FAAH: variants seen among roughly 807,000 people sequenced by gnomAD.
FAAH encodes the protein fatty acid amide hydrolase.
Under a neutral mutation model 69.7 loss-of-function variants are expected in FAAH, and 63 were observed. The ratio of observed to expected loss-of-function variants is 0.90; its 90% CI spans 0.74 to 1.12. FAAH has a LOEUF of 1.12. Among genes scored for constraint, FAAH ranks in the 50% most tolerant of loss-of-function variants. The pLI is 0.00. For synonymous variants in FAAH, 305 were observed against 324.2 expected (o/e 0.94, Z 0.64); for missense variants, 680 against 755.0 (o/e 0.90, Z 1.16).
chr1:46,395,769 C>T (rs1052221945), intron 1 of FAAH, among the ~76,000 whole-genome samples: 7 of 152,170 alleles, frequency 4.6e-5, no homozygotes, highest in African/African-American at 7.2e-5. Flanking sequence ...CCTAGGTGCC[C>T]GCTGCACTCT....
In FAAH at chr1:46,413,058, C is replaced by T; in HGVS notation, c.1466-17C>T. ...AGATTCTCAGGGCCTGCTGCAGCTG[C>T]CTGTAATGTGTTCCAGGGGCCGTCA... On this transcript the variant is annotated splice_polypyrimidine_tract_variant and intron_variant, in intron 13 of 14. Coordinates refer to ENST00000243167, the MANE Select transcript of FAAH (RefSeq NM_001441.3). The T allele has an allele frequency of 1.9e-6, 3 of 1,613,968 alleles. No individual in the cohort carries two copies. Among genetic ancestry groups the T allele is most frequent in the Non-Finnish European group, 1.7e-6 (2 of 1,179,904 alleles).
chr1:46,395,106 A>G (rs1308578184), intron 1 of FAAH, among the ~76,000 whole-genome samples: 1 of 152,104 alleles, frequency 6.6e-6, no homozygotes, highest in Admixed American at 6.5e-5. Context: ...ACGCCTGGCT[A>G]ATTTTTGCAT....
chr1:46,396,810 C>A (rs1195506758), intron 1 of FAAH, among the ~76,000 whole-genome samples: 1 of 152,202 alleles, frequency 6.6e-6, no homozygotes. Context: ...TTTACATAGA[C>A]ACAGTAACAG....
Position 46,413,769 on chromosome 1 carries a change from C to T in FAAH, c.*194C>T, listed in dbSNP as rs191750422. 2.7e-3 allele frequency: 1,958 copies of T among 728,716 alleles called. 18 individuals carry two copies. The highest frequency in any genetic ancestry group is 0.022 in the East Asian group (782 of 35,428). The allele number at this position is 728,716 out of a possible 1,614,324, so 45.1% of individuals were successfully genotyped here. The stretch of plus-strand genomic sequence containing the variant: ...CATCCCTGCTCTGGTCCCCTCTCTT[C>T]GTCCTGATCCCTCCACCCCCATGTG... On this transcript the variant is annotated 3_prime_UTR_variant, in exon 15 of 15. Transcript: ENST00000243167.
In FAAH at chr1:46,406,225, T is replaced by C. The variant is rs1408410080; in HGVS notation, c.827-19T>C. 6.2e-7 allele frequency: 1 copy of C among 1,613,996 alleles called. No individual in the cohort carries two copies. The highest frequency in any genetic ancestry group is 8.5e-7 in the Non-Finnish European group (1 of 1,180,038). ...CTCGCTCCTTGTCTGCTTACCTCCC[T>C]CACCTCTCTGCCCCACAGTGCGTCT... On this transcript the variant is annotated intron_variant, in intron 6 of 14. Coordinates refer to ENST00000243167, the MANE Select transcript of FAAH (RefSeq NM_001441.3).
Position 46,394,522 on chromosome 1 carries a change from G to A in FAAH, c.174G>A (p.Ala58=), listed in dbSNP as rs1664561832. The change falls in exon 1 of 15, where the codon GCG becomes GCA. Residue 58 remains alanine, a synonymous_variant. Transcript: ENST00000243167. Reference sequence around the variant, plus strand: ...CGGGCCTGGAGAACATGGACAGGGCGGCGCAGCGCTTCCGGCTCCAGGTGA... The same window carrying A: ...CGGGCCTGGAGAACATGGACAGGGCAGCGCAGCGCTTCCGGCTCCAGGTGA... ...QRAGLENMDR[A]AQRFRLQNPD... is the part of the protein sequence containing the mutation. 9 of 1,377,430 alleles carry A rather than the reference G, an allele frequency of 6.5e-6. No homozygotes were observed. The highest frequency in any genetic ancestry group is 8.4e-6 in the Non-Finnish European group (9 of 1,071,442). 85.3% of individuals were successfully genotyped at this position (1,377,430 alleles called of 1,614,324 possible).
In FAAH at chr1:46,413,512, G is replaced by A; in HGVS notation, c.1677G>A (p.Glu559=). The A allele has an allele frequency of 1.9e-6, 3 of 1,614,136 alleles. No homozygotes were observed. The highest frequency in any genetic ancestry group is 1.6e-4 in the Middle Eastern group (1 of 6,062). Residue 559 remains glutamate (E), a synonymous_variant, in exon 15 of 15, where the codon GAG becomes GAA. Coordinates refer to ENST00000243167, the MANE Select transcript of FAAH (RefSeq NM_001441.3). ...GTGTGGCTCTGCCCTGGCAAGAAGA[G>A]TTGTGTCTGCGGTTCATGCGGGAGG... ...VQCVALPWQE[E]LCLRFMREVE...
At position 46,408,619 on chromosome 1, in the gene FAAH, C is replaced by T. The variant is rs141765988; in HGVS notation, c.1077+35C>T. On this transcript the variant is annotated intron_variant, in intron 8 of 14. Transcript: ENST00000243167. ...CAGGGTCCTGGAAGTACTGGCATCT[C>T]CTCCCCTCACGGGAAGCCTTCCTGG... 236 of 1,613,880 alleles carry T rather than the reference C, an allele frequency of 1.5e-4. No homozygotes were observed. The African/African-American group carries it at 2.1e-3, about 14-fold the overall frequency.
chr1:46,403,678 G>T (rs1664743375), intron 2 of FAAH, among the ~76,000 whole-genome samples: 1 of 152,228 alleles, frequency 6.6e-6, no homozygotes, highest in Non-Finnish European at 1.5e-5. Context: ...CGTGCCACGG[G>T]CTCCCCTGGC....
At chr1:46,412,322 G>A (rs1288903217) in intron 13 of FAAH, 71 bp downstream of exon 13, 1 of 1,313,932 alleles carries the variant, frequency 7.6e-7, no homozygotes. Context: ...CGAGGAAATG[G>A]AAGAAGAGCC....
At chr1:46,409,740 C>G (rs1255336400) in intron 9 of FAAH, among the ~76,000 whole-genome samples, 1 of 152,168 alleles carries the variant, frequency 6.6e-6, no homozygotes, top group Non-Finnish European at 1.5e-5. Flanking sequence ...GCAAAGGTGC[C>G]TCCTGGTGAC....
At chr1:46,398,114 T>A (rs1290633332) in intron 1 of FAAH, among the ~76,000 whole-genome samples, 1 of 151,990 alleles carries the variant, frequency 6.6e-6, no homozygotes, top group African/African-American at 2.4e-5. Context: ...TTGTATTTTT[T>A]AGTAGAGATG....
intron 7 of FAAH, among the ~76,000 whole-genome samples, chr1:46,407,077 G>C (rs573465267): frequency 1.4e-4 from 21 of 151,882 alleles, no homozygotes; most frequent in African/African-American, 5.1e-4. Flanking sequence ...CATGTAGCCT[G>C]TTCCTGCCAG....
intron 1 of FAAH, among the ~76,000 whole-genome samples, chr1:46,400,620 T>A (rs1664680816): frequency 6.7e-6 from 1 of 149,824 alleles, no homozygotes; most frequent in Non-Finnish European, 1.5e-5. Context: ...ACAGGATACA[T>A]AAGGAGGAGC....
Position 46,402,181 on chromosome 1 carries a change from G to C in FAAH, c.286G>C (p.Val96Leu). The change falls in exon 2 of 15, where the codon GTG becomes CTG. Residue 96 changes from valine to leucine, a missense_variant. Physicochemically the swap from Val to Leu is conservative, Grantham distance 32 (BLOSUM62 1). Transcript: ENST00000243167. Reference protein sequence around the residue: ...LHSRELAPEAVLFTYVGKAWE... With the variant: ...LHSRELAPEALLFTYVGKAWE... ...CAGTAGAGAGCTGGCCCCTGAGGCC[G>C]TGCTCTTCACCTATGTGGGAAAGGT... 1 of 1,604,852 alleles carries C rather than the reference G, an allele frequency of 6.2e-7. No homozygotes were observed. The highest frequency in any genetic ancestry group is 8.5e-7 in the Non-Finnish European group (1 of 1,175,560).
chr1:46,413,452 G>T lies in FAAH; in HGVS notation c.1617G>T (p.Met539Ile). The change falls in exon 15 of 15, where the codon ATG (methionine) becomes ATT (isoleucine). Residue 539 changes from methionine (M) to isoleucine (I), a missense_variant. By Grantham distance (10) the Met-to-Ile change is conservative (BLOSUM62 1). Transcript: ENST00000243167. ...DIWDKMLQKG[M>I]KKSVGLPVAV... ...GATGCCTGTATCCCCTATAGGGCAT[G>T]AAGAAGAGTGTGGGGCTGCCGGTGG... 2 of 1,614,152 alleles carry T rather than the reference G, an allele frequency of 1.2e-6. No homozygotes were observed. The highest frequency in any genetic ancestry group is 1.7e-6 in the Non-Finnish European group (2 of 1,180,022).
chr1:46,410,697 G>T lies in FAAH; in HGVS notation c.1276-117G>T. ...CAACCCGCATGCTGAAAGGGGTGCC[G>T]ACCTGGGCCCTGGGGGGAGGCATGG... On this transcript the variant is annotated intron_variant, in intron 10 of 14. Transcript: ENST00000243167. The surrounding 1 kb of genome is among the most constrained non-coding windows in gnomAD (Gnocchi z 4.9). The T allele has an allele frequency of 7.4e-7, 1 of 1,344,212 alleles. No homozygotes were observed. The highest frequency in any genetic ancestry group is 1.2e-5 in the South Asian group (1 of 85,556). The allele number at this position is 1,344,212 out of a possible 1,614,324, so 83.3% of individuals were successfully genotyped here.
rs1162911193 is a variant in FAAH, at chr1:46,405,440, G to C, written c.513G>C (p.Val171=). ...GVPAECDSVV[V]HVLKLQGAVP... ...CGGCGGAGTGCGACAGCGTAGTGGT[G>C]CATGTGCTGAAGCTGCAGGGTGCCG... Residue 171 remains valine (V), a synonymous_variant, in exon 4 of 15, where the codon GTG becomes GTC. Transcript: ENST00000243167. This position sits in a 1 kb window ranked among gnomAD's most constrained non-coding sequence, Gnocchi z 4.1. The C allele has an allele frequency of 6.2e-7, 1 of 1,612,014 alleles. No individual in the cohort carries two copies. The highest frequency in any genetic ancestry group is 2.2e-5 in the East Asian group (1 of 44,712).
Position 46,410,958 on chromosome 1 carries a change from A to G in FAAH, c.1316+104A>G. ...AAGGACTTGAGGGAAGTAGCCTCTG[A>G]GGCTGGAAGTGGCCCAGGCAGGGGG... On this transcript the variant is annotated intron_variant, in intron 11 of 14. Transcript: ENST00000243167. The surrounding 1 kb of genome is among the most constrained non-coding windows in gnomAD (Gnocchi z 4.9). 6.8e-7 allele frequency: 1 copy of G among 1,473,284 alleles called. No homozygotes were observed. The highest frequency in any genetic ancestry group is 9.5e-7 in the Non-Finnish European group (1 of 1,055,008). 91.3% of individuals were successfully genotyped at this position (1,473,284 alleles called of 1,614,324 possible). A position where few individuals can be genotyped will look rare whatever the true frequency, so the allele number is the denominator to read the frequency against.
Sources: allele counts gnomAD v4.1 joint callset (sites outside exome capture counted in the v4.1 genomes callset), GRCh38; gene constraint gnomAD v4.1.1; non-coding constraint Gnocchi (gnomAD v3.1); transcripts MANE v1.5; gene names NCBI Gene and HGNC (gene_info 2026-07-23, HGNC 2026-07-21).